ATP5PF: variants seen among roughly 807,000 people sequenced by gnomAD.
The protein encoded by ATP5PF is ATP synthase peripheral stalk subunit F6, mitochondrial.
A neutral mutation model predicts 12.0 loss-of-function variants in ATP5PF; 7 were observed. That is an observed-to-expected ratio of 0.58 (90% CI 0.33 to 1.10). The LOEUF (loss-of-function observed/expected upper bound fraction) is 1.10. Ranked by LOEUF, ATP5PF falls within the 50% of genes least tolerant of loss-of-function variation. The probability of loss-of-function intolerance (pLI) is 0.03; values close to 1 mark genes in which losing one functional copy is unlikely to be tolerated. For missense variants in ATP5PF, 120 were observed against 127.7 expected (o/e 0.94, Z 0.29); for synonymous variants, 41 against 45.4 (o/e 0.90, Z 0.39).
chr21:25,732,343 T>C (rs574681318), intron 1 of ATP5PF, among the ~76,000 whole-genome samples: 19 of 151,846 alleles, frequency 1.3e-4, no homozygotes, highest in Non-Finnish European at 2.5e-4. Flanking sequence ...CATGTAAAAA[T>C]TATCAAAAGA....
At chr21:25,728,135 A>C (rs2034665080) in intron 2 of ATP5PF, among the ~76,000 whole-genome samples, 1 of 152,120 alleles carries the variant, frequency 6.6e-6, no homozygotes, top group Non-Finnish European at 1.5e-5. Flanking sequence ...GTTCTCATCA[A>C]CTAATGCTTA....
At chr21:25,727,764 A>G (rs915346723) in intron 2 of ATP5PF, among the ~76,000 whole-genome samples, 4 of 152,162 alleles carry the variant, frequency 2.6e-5, no homozygotes, top group South Asian at 2.1e-4. Flanking sequence ...GACAGAAGAC[A>G]CTCAAAATTC....
intron 2 of ATP5PF, among the ~76,000 whole-genome samples, chr21:25,728,365 A>C (rs575947414): frequency 1.3e-5 from 2 of 152,100 alleles, no homozygotes; most frequent in African/African-American, 4.8e-5. Context: ...CCATCCTTAT[A>C]CTCTTCATAT....
At chr21:25,731,317 G>A (rs758398143) in intron 1 of ATP5PF, among the ~76,000 whole-genome samples, 1 of 152,182 alleles carries the variant, frequency 6.6e-6, no homozygotes, top group Non-Finnish European at 1.5e-5. Flanking sequence ...TTAAGGCCGA[G>A]TCTATAAACT....
chr21:25,734,755 C>G, intron 1 of ATP5PF, 98 bp downstream of exon 1: 1 of 1,240,474 alleles, frequency 8.1e-7, no homozygotes, highest in South Asian at 1.5e-5. Flanking sequence ...GAGCTGCTCT[C>G]TCCTCCTAGT....
chr21:25,731,189 C>T (rs1290535819), intron 1 of ATP5PF, among the ~76,000 whole-genome samples: 2 of 152,120 alleles, frequency 1.3e-5, no homozygotes, highest in Admixed American at 6.6e-5. Flanking sequence ...CTGCAGTGAG[C>T]CCAGATCACA....
chr21:25,729,165 G>A (rs1456906623), intron 2 of ATP5PF, among the ~76,000 whole-genome samples: 7 of 152,198 alleles, frequency 4.6e-5, no homozygotes, highest in Admixed American at 6.5e-5. Flanking sequence ...AAAAAGAGCT[G>A]TGTTTATACA....
rs71183508 is a variant in ATP5PF at position 25,730,736 on chromosome 21, C to CAAAAAAAAAA, written c.-7-945_-7-936dup. 5.5e-3 allele frequency among the ~76,000 whole-genome samples: 175 copies of CAAAAAAAAAA among 31,878 alleles called. 17 individuals carry two copies. Among genetic ancestry groups the CAAAAAAAAAA allele is most frequent in the Non-Finnish European group, 7.2e-3 (104 of 14,370 alleles). The allele number at this position is 31,878 out of a possible 152,430, so 20.9% of individuals were successfully genotyped here. A position where few individuals can be genotyped will look rare whatever the true frequency, so the allele number is the denominator to read the frequency against. On this transcript the variant is annotated intron_variant, in intron 1 of 3. Coordinates refer to ENST00000284971, the MANE Select transcript of ATP5PF (RefSeq NM_001003703.2). The stretch of plus-strand genomic sequence containing the variant: ...GCAACAAGAGCAAGACTCCGTCTCA[C>CAAAAAAAAAA]AAAAAAAAAAAAAAAAAAAAAAAAA...
chr21:25,735,069 G>A, upstream of ATP5PF: 2 of 1,103,908 alleles, frequency 1.8e-6, no homozygotes, highest in Non-Finnish European at 2.7e-6. Context: ...AGGAAGTGGA[G>A]GGTAAGTGCT....
chr21:25,733,549 G>A (rs2123460519), intron 1 of ATP5PF, among the ~76,000 whole-genome samples: 1 of 151,892 alleles, frequency 6.6e-6, no homozygotes, highest in South Asian at 2.1e-4. Context: ...TCTGGTCAAA[G>A]TTACACAGCA....
At chr21:25,728,109 C>T (rs1020464376) in intron 2 of ATP5PF, among the ~76,000 whole-genome samples, 1 of 152,174 alleles carries the variant, frequency 6.6e-6, no homozygotes, top group Non-Finnish European at 1.5e-5. Context: ...TACATTACCA[C>T]TGCTATAAAG....
At chr21:25,729,573 C>G in intron 2 of ATP5PF, 58 bp downstream of exon 2, 1 of 1,452,400 alleles carries the variant, frequency 6.9e-7, no homozygotes, top group Non-Finnish European at 9.2e-7. Flanking sequence ...TTATTACCAC[C>G]TTGAAACTTA....
chr21:25,730,363 A>AT (rs1247490297), intron 1 of ATP5PF, among the ~76,000 whole-genome samples: 9 of 152,216 alleles, frequency 5.9e-5, no homozygotes, highest in Non-Finnish European at 1.0e-4. Flanking sequence ...GCTGTGCATG[A>AT]CAGTGGGGAG....
intron 1 of ATP5PF, among the ~76,000 whole-genome samples, chr21:25,730,603 G>A (rs186942277): frequency 6.6e-6 from 1 of 151,424 alleles, no homozygotes; most frequent in Admixed American, 6.6e-5. Context: ...GCGTGGTGGC[G>A]CATGCCTGTA....
chr21:25,733,532 A>G (rs537451673), intron 1 of ATP5PF, among the ~76,000 whole-genome samples: 1 of 152,294 alleles, frequency 6.6e-6, no homozygotes, highest in South Asian at 2.1e-4. Context: ...GTCTCAAAAA[A>G]AAAGTATCTG....
At chr21:25,734,688 A>G in intron 1 of ATP5PF, 165 bp downstream of exon 1, 1 of 684,386 alleles carries the variant, frequency 1.5e-6, no homozygotes, top group Non-Finnish European at 2.4e-6. Context: ...TCCAAGGTCT[A>G]CAAACGTAGA....
intron 2 of ATP5PF, among the ~76,000 whole-genome samples, chr21:25,726,679 A>C (rs2034627398): frequency 6.6e-6 from 1 of 152,214 alleles, no homozygotes; most frequent in African/African-American, 2.4e-5. Context: ...TTTTGGGAAA[A>C]TAAATATAGC....
At chr21:25,725,739 AAT>A (rs1468655309) in intron 2 of ATP5PF, among the ~76,000 whole-genome samples, 4 of 152,172 alleles carry the variant, frequency 2.6e-5, no homozygotes, top group African/African-American at 9.7e-5. Context: ...ACACCCGGCC[AAT>A]AGACCTTTTT....
At chr21:25,727,228 C>A (rs2034641739) in intron 2 of ATP5PF, among the ~76,000 whole-genome samples, 1 of 152,166 alleles carries the variant, frequency 6.6e-6, no homozygotes, top group African/African-American at 2.4e-5. Context: ...ATACTGGTTA[C>A]AGATGGATGA....
Sources: gnomAD v4.1 joint callset for allele counts (sites outside exome capture counted in the v4.1 genomes callset) on GRCh38, gnomAD v4.1.1 for gene constraint, MANE v1.5 for transcripts, NCBI Gene and HGNC (gene_info 2026-07-23, HGNC 2026-07-21) for gene names.